The following SLC25A13 variants were observed in gnomAD, a reference collection of about 807,000 sequenced individuals.
The protein encoded by SLC25A13 is electrogenic aspartate/glutamate antiporter SLC25A13, mitochondrial.
Under a neutral mutation model 85.5 loss-of-function variants are expected in SLC25A13, and 70 were observed. That is an observed-to-expected ratio of 0.82 (90% CI 0.68 to 1.00). The LOEUF is 1.00. Ranked by LOEUF, SLC25A13 falls within the 50% of genes least tolerant of loss-of-function variation. The pLI, the probability that SLC25A13 is intolerant of heterozygous loss-of-function variation, is 0.00. For missense variants in SLC25A13, 765 were observed against 819.8 expected (o/e 0.93, Z 0.82); for synonymous variants, 259 against 288.7 (o/e 0.90, Z 1.04).
chr7:96,153,739 A>G (rs1793138917), intron 13 of SLC25A13, among the ~76,000 whole-genome samples: 2 of 152,256 alleles, frequency 1.3e-5, no homozygotes, highest in Non-Finnish European at 2.9e-5. Context: ...ACCAGTGTAA[A>G]CAAACTTTTT....
At chr7:96,145,164 G>A (rs922619313) in intron 14 of SLC25A13, among the ~76,000 whole-genome samples, 4 of 152,068 alleles carry the variant, frequency 2.6e-5, no homozygotes, top group African/African-American at 9.7e-5. Context: ...AAAACAGCAG[G>A]TTTATTCCTA....
At chr7:96,130,986 C>G (rs1029065423) in intron 15 of SLC25A13, among the ~76,000 whole-genome samples, 6 of 152,170 alleles carry the variant, frequency 3.9e-5, no homozygotes, top group African/African-American at 1.4e-4. Flanking sequence ...CATGGAGACT[C>G]TAGTTACATA....
chr7:96,199,652 T>C (rs1258609383), intron 5 of SLC25A13, among the ~76,000 whole-genome samples: 1 of 152,196 alleles, frequency 6.6e-6, no homozygotes, highest in Non-Finnish European at 1.5e-5. Context: ...TTCTCTTTAA[T>C]ATGTGCCAGT....
chr7:96,148,847 G>A (rs1347283876), intron 13 of SLC25A13, among the ~76,000 whole-genome samples: 4 of 152,118 alleles, frequency 2.6e-5, no homozygotes, highest in South Asian at 2.1e-4. Flanking sequence ...GCAGAGCTTC[G>A]GTCTCCCTAT....
intron 13 of SLC25A13, among the ~76,000 whole-genome samples, chr7:96,165,968 T>C (rs935849163): frequency 2.0e-5 from 3 of 152,224 alleles, no homozygotes; most frequent in Non-Finnish European, 4.4e-5. Context: ...CTGGACAAAC[T>C]GGCATAAACA....
intron 14 of SLC25A13, among the ~76,000 whole-genome samples, chr7:96,134,813 A>ATATATATATATATATATATAT (rs1554337551): frequency 5.5e-4 from 79 of 142,914 alleles, no homozygotes; most frequent in East Asian, 1.1e-3. Flanking sequence ...ATATATATAT[A>ATATATATATATATATATATAT]ACCCTGAGGA....
Position 96,169,909 on chromosome 7 carries a change from G to A in SLC25A13, c.1311+136C>T, listed in dbSNP as rs888066159. 7.9e-5 allele frequency: 69 copies of A among 870,258 alleles called. 1 individual carries two copies. The highest frequency in any genetic ancestry group is 7.7e-4 in the South Asian group (55 of 71,240). The allele number at this position is 870,258 out of a possible 1,614,324, so 53.9% of individuals were successfully genotyped here. A position where few individuals can be genotyped will look rare whatever the true frequency, so the allele number is the denominator to read the frequency against. On this transcript the variant is annotated intron_variant, in intron 13 of 17. Coordinates refer to ENST00000265631, the MANE Select transcript of SLC25A13 (RefSeq NM_014251.3). The stretch of plus-strand genomic sequence containing the variant: ...ATGGTTCGCCTGTCTAGGAAAAGCC[G>A]AGGTGCCCTAGTAGACTCTGCCCTT...
At chr7:96,190,168 T>C (rs925784490) in intron 7 of SLC25A13, among the ~76,000 whole-genome samples, 2 of 147,262 alleles carry the variant, frequency 1.4e-5, no homozygotes, top group Admixed American at 1.4e-4. Context: ...CACTACAACC[T>C]CCGACTCTTG....
chr7:96,165,843 G>T (rs1793717459), intron 13 of SLC25A13, among the ~76,000 whole-genome samples: 1 of 152,190 alleles, frequency 6.6e-6, no homozygotes, highest in South Asian at 2.1e-4. Flanking sequence ...AGGCACACCT[G>T]TGTCTGTATT....
At chr7:96,258,841 A>T (rs2116887996) in intron 3 of SLC25A13, among the ~76,000 whole-genome samples, 1 of 152,370 alleles carries the variant, frequency 6.6e-6, no homozygotes, top group African/African-American at 2.4e-5. Flanking sequence ...TAACCAAAAC[A>T]GCATGGTACT....
At chr7:96,242,117 A>C (rs1371161928) in intron 3 of SLC25A13, among the ~76,000 whole-genome samples, 1 of 152,158 alleles carries the variant, frequency 6.6e-6, no homozygotes, top group Non-Finnish European at 1.5e-5. Flanking sequence ...CACAAAAATA[A>C]CTTCTCCTTA....
chr7:96,288,081 C>T (rs73710273), intron 2 of SLC25A13, among the ~76,000 whole-genome samples: 2,064 of 152,308 alleles, frequency 0.014, 43 homozygotes, highest in African/African-American at 0.047. Flanking sequence ...GGAACAAATG[C>T]TTTTCTGTTT....
chr7:96,225,396 G>T (rs1443803737), intron 4 of SLC25A13, among the ~76,000 whole-genome samples: 1 of 152,186 alleles, frequency 6.6e-6, no homozygotes, highest in African/African-American at 2.4e-5. Flanking sequence ...TAAAAATAAA[G>T]TTAGCTGGAC....
chr7:96,194,533 A>C (rs1278933622), intron 5 of SLC25A13, among the ~76,000 whole-genome samples: 2 of 149,016 alleles, frequency 1.3e-5, no homozygotes, highest in African/African-American at 4.9e-5. Flanking sequence ...TTTAGACGAT[A>C]TTAAGAAATT....
At chr7:96,184,735 T>C (rs1396329803) in intron 10 of SLC25A13, among the ~76,000 whole-genome samples, 192 bp downstream of exon 10, 1 of 152,206 alleles carries the variant, frequency 6.6e-6, no homozygotes, top group African/African-American at 2.4e-5. Flanking sequence ...ATGCCACTTG[T>C]AAGTCCCTGA....
chr7:96,209,700 T>C (rs541190356), intron 4 of SLC25A13, among the ~76,000 whole-genome samples: 1 of 152,226 alleles, frequency 6.6e-6, no homozygotes, highest in East Asian at 1.9e-4. Flanking sequence ...TTTTAGCCTC[T>C]ACAGAAAAAC....
At chr7:96,165,697 T>G (rs1793712936) in intron 13 of SLC25A13, among the ~76,000 whole-genome samples, 1 of 152,116 alleles carries the variant, frequency 6.6e-6, no homozygotes, top group South Asian at 2.1e-4. Flanking sequence ...TAGAGAGACA[T>G]GCTTAGAATG....
intron 13 of SLC25A13, among the ~76,000 whole-genome samples, chr7:96,158,579 T>C (rs1299106303): frequency 6.6e-6 from 1 of 152,234 alleles, no homozygotes; most frequent in Non-Finnish European, 1.5e-5. Context: ...AGATTTAAAG[T>C]GCTTTTCACA....
At position 96,321,936 on chromosome 7, in the gene SLC25A13, G is replaced by C. The variant is rs1245423168; in HGVS notation, c.15+6C>G. 6.5e-7 allele frequency: 1 copy of C among 1,536,548 alleles called. No homozygotes were observed. The highest frequency in any genetic ancestry group is 8.7e-7 in the Non-Finnish European group (1 of 1,144,484). On this transcript the variant is annotated splice_donor_region_variant and intron_variant, in intron 1 of 17. Transcript: ENST00000265631. ...GCGCTCCCCCCGGCCTCGGGCCCGC[G>C]GTTACCTTGGCGGCCGCCATGATTC... is the stretch of plus-strand genomic sequence containing the variant.
Sources: gnomAD v4.1 joint callset for allele counts (sites outside exome capture counted in the v4.1 genomes callset) on GRCh38, gnomAD v4.1.1 for gene constraint, MANE v1.5 for transcripts, NCBI Gene and HGNC (gene_info 2026-07-23, HGNC 2026-07-21) for gene names.